NRXN3: variants seen among roughly 807,000 people sequenced by gnomAD.
NRXN3 encodes neurexin 3.
A neutral mutation model predicts 137.6 loss-of-function variants in NRXN3; 32 were observed. That is an observed-to-expected ratio of 0.23 (90% CI 0.18 to 0.31). The LOEUF (loss-of-function observed/expected upper bound fraction) is 0.31, where lower values mean the gene tolerates loss of function less well. NRXN3 is among the 10% of genes least tolerant of loss of function. NRXN3 has a pLI of 1.00. For synonymous variants in NRXN3, 798 were observed against 784.5 expected, an observed-to-expected ratio of 1.02 and a Z score of -0.29; for missense variants, 1,574 against 2,062.5, an observed-to-expected ratio of 0.76 and a Z score of 4.59.
intron 15 of NRXN3, among the ~76,000 whole-genome samples, chr14:79,436,357 A>G (rs979317926): frequency 2.0e-5 from 3 of 152,070 alleles, no homozygotes; most frequent in African/African-American, 7.2e-5. Context: ...TGGTGTTTGA[A>G]TGCACCCAGT....
intron 4 of NRXN3, among the ~76,000 whole-genome samples, chr14:78,507,838 CA>C (rs2096023197): frequency 6.6e-6 from 1 of 152,142 alleles, no homozygotes; most frequent in Non-Finnish European, 1.5e-5. Flanking sequence ...TGAGTTGTTA[CA>C]AAACCAGAGC....
At chr14:79,193,811 TTCTTGAATGATAGCA>T (rs2064757255) in intron 15 of NRXN3, among the ~76,000 whole-genome samples, 1 of 152,236 alleles carries the variant, frequency 6.6e-6, no homozygotes, top group African/African-American at 2.4e-5. Flanking sequence ...TAATGTGTTT[TTCTTGAATGATAGCA>T]TCTTGAATTT....
At chr14:79,431,600 A>T (rs2153553629) in intron 15 of NRXN3, among the ~76,000 whole-genome samples, 1 of 152,314 alleles carries the variant, frequency 6.6e-6, no homozygotes, top group Non-Finnish European at 1.5e-5. Context: ...TAACAAAAGA[A>T]GCTTTAAAAG....
At chr14:79,784,438 A>G (rs1397961603) in intron 19 of NRXN3, among the ~76,000 whole-genome samples, 1 of 152,120 alleles carries the variant, frequency 6.6e-6, no homozygotes, top group Non-Finnish European at 1.5e-5. Context: ...TTTTTCCTCC[A>G]AAGATTAAGA....
intron 4 of NRXN3, among the ~76,000 whole-genome samples, chr14:78,426,563 G>A (rs1025739492): frequency 6.6e-6 from 1 of 152,208 alleles, no homozygotes; most frequent in Non-Finnish European, 1.5e-5. Context: ...TTAACCCTGG[G>A]TGTTTTTTAT....
At chr14:79,073,134 G>A (rs540078656) in intron 15 of NRXN3, among the ~76,000 whole-genome samples, 5 of 152,076 alleles carry the variant, frequency 3.3e-5, no homozygotes, top group South Asian at 4.2e-4. Context: ...TGATCCACTC[G>A]CCTCCGCCTC....
chr14:78,357,302 G>A (rs1041664079), intron 4 of NRXN3, among the ~76,000 whole-genome samples: 2 of 152,070 alleles, frequency 1.3e-5, no homozygotes, highest in Non-Finnish European at 2.9e-5. Context: ...TTAAACCATC[G>A]GATCTCACGA....
At chr14:79,317,578 A>T (rs1046382372) in intron 15 of NRXN3, among the ~76,000 whole-genome samples, 1 of 152,096 alleles carries the variant, frequency 6.6e-6, no homozygotes, top group Non-Finnish European at 1.5e-5. Context: ...GGGGGTTAGG[A>T]TTTCATCATA....
chr14:78,749,332 AT>A (rs1299281334), intron 8 of NRXN3, among the ~76,000 whole-genome samples: 8 of 152,206 alleles, frequency 5.3e-5, no homozygotes, highest in Non-Finnish European at 1.2e-4. Flanking sequence ...AACAATGCCC[AT>A]AGATTGCCTA....
At chr14:79,358,622 A>AAAGAAAGG in intron 15 of NRXN3, among the ~76,000 whole-genome samples, 1 of 140,872 alleles carries the variant, frequency 7.1e-6, no homozygotes, top group African/African-American at 2.6e-5. Context: ...AGAAAGAAAG[A>AAAGAAAGG]AAGAAAGAAA....
intron 4 of NRXN3, among the ~76,000 whole-genome samples, chr14:78,417,658 A>G (rs1274358001): frequency 1.3e-5 from 2 of 152,200 alleles, no homozygotes; most frequent in Non-Finnish European, 2.9e-5. Context: ...ATTTATGAAA[A>G]TACCTCTTTG....
chr14:78,416,416 A>G (rs1247453478), intron 4 of NRXN3, among the ~76,000 whole-genome samples: 1 of 152,164 alleles, frequency 6.6e-6, no homozygotes, highest in Non-Finnish European at 1.5e-5. Flanking sequence ...TTTTTCACTC[A>G]CATGAACCAG....
intron 15 of NRXN3, among the ~76,000 whole-genome samples, chr14:79,368,717 A>C (rs2093986186): frequency 6.6e-6 from 1 of 152,242 alleles, no homozygotes; most frequent in Non-Finnish European, 1.5e-5. Context: ...AAAGCAGCAG[A>C]AAATCTTATA....
chr14:78,499,722 C>T (rs7150172), intron 4 of NRXN3, among the ~76,000 whole-genome samples: 52,435 of 151,690 alleles, frequency 0.35, 9,696 homozygotes, highest in Admixed American at 0.42. Context: ...CCTCCAAGTT[C>T]ACCTGGTTGT....
rs112476830 is a variant in NRXN3 at position 79,656,532 on chromosome 14, C to T, written c.3445-7246C>T. Among the ~76,000 whole-genome samples the T allele has an allele frequency of 1.6e-4, 24 of 152,006 alleles. 1 individual carries two copies. The highest frequency in any genetic ancestry group is 4.3e-4 in the African/African-American group (18 of 41,484). On this transcript the variant is annotated intron_variant, in intron 16 of 20. Transcript: ENST00000335750. ...TGACTTGCATCTTATTTACTTGCAT[C>T]GGCTGTCTTGTCCTTCCTTGCTTCT...
chr14:79,007,839 G>A (rs990116119), intron 15 of NRXN3, among the ~76,000 whole-genome samples: 7 of 146,116 alleles, frequency 4.8e-5, no homozygotes, highest in Non-Finnish European at 1.1e-4. Context: ...GCAGAAAAAT[G>A]TGTTGATTAC....
At chr14:78,305,558 AT>A (rs2077285343) in intron 4 of NRXN3, among the ~76,000 whole-genome samples, 2 of 152,140 alleles carry the variant, frequency 1.3e-5, no homozygotes, top group African/African-American at 4.8e-5. Flanking sequence ...TGTAGATTGC[AT>A]TTTACTGGTA....
At chr14:79,290,663 G>GAAAAAAAAAA (rs11349861) in intron 15 of NRXN3, among the ~76,000 whole-genome samples, 1 of 106,670 alleles carries the variant, frequency 9.4e-6, no homozygotes. Flanking sequence ...GGTGGTTCCA[G>GAAAAAAAAAA]AAAAAAAAAA....
chr14:79,499,906 T>C (rs1183508596), intron 16 of NRXN3, among the ~76,000 whole-genome samples: 1 of 152,008 alleles, frequency 6.6e-6, no homozygotes, highest in Non-Finnish European at 1.5e-5. Flanking sequence ...GTGAGGACTT[T>C]CTTTATATTA....
Sources: allele counts gnomAD v4.1 joint callset (sites outside exome capture counted in the v4.1 genomes callset), GRCh38; gene constraint gnomAD v4.1.1; transcripts MANE v1.5; gene names NCBI Gene and HGNC (gene_info 2026-07-23, HGNC 2026-07-21).